FAT3: variants seen among roughly 807,000 people sequenced by gnomAD.
The protein encoded by FAT3 is FAT atypical cadherin 3, also known as protocadherin Fat 3.
A neutral mutation model predicts 310.2 loss-of-function variants in FAT3; 95 were observed. That is an observed-to-expected ratio of 0.31 (90% CI 0.26 to 0.36). FAT3 has a LOEUF of 0.36. Ranked by LOEUF, FAT3 falls within the 10% of genes least tolerant of loss-of-function variation. The probability of loss-of-function intolerance (pLI) is 1.00; values close to 1 mark genes in which losing one functional copy is unlikely to be tolerated. For synonymous variants in FAT3, 2,314 were observed against 2,192.9 expected, an observed-to-expected ratio of 1.06 and a Z score of -1.54; for missense variants, 5,408 against 5,715.6, an observed-to-expected ratio of 0.95 and a Z score of 1.74.
chr11:92,545,587 T>C (rs1591430751), intron 3 of FAT3, among the ~76,000 whole-genome samples: 2 of 152,234 alleles, frequency 1.3e-5, no homozygotes, highest in South Asian at 2.1e-4. Context: ...CTACAGGCTA[T>C]GCATTAATCT....
chr11:92,641,287 A>T (rs983439200), intron 3 of FAT3, among the ~76,000 whole-genome samples: 8 of 152,342 alleles, frequency 5.3e-5, no homozygotes, highest in African/African-American at 1.9e-4. Flanking sequence ...TTATATATTT[A>T]TTTAACATAT....
chr11:92,829,555 G>A (rs745973428), intron 13 of FAT3, among the ~76,000 whole-genome samples: 3 of 152,134 alleles, frequency 2.0e-5, no homozygotes, highest in Non-Finnish European at 4.4e-5. Context: ...GATCACCTAT[G>A]CAACCCGTGT....
At chr11:92,838,309 G>C (rs1948456451) in intron 17 of FAT3, among the ~76,000 whole-genome samples, 1 of 152,186 alleles carries the variant, frequency 6.6e-6, no homozygotes, top group Admixed American at 6.5e-5. Flanking sequence ...CATCAGGATA[G>C]AGCTGGTACT....
At chr11:92,877,059 A>C (rs1354706235) in intron 22 of FAT3, among the ~76,000 whole-genome samples, 1 of 152,202 alleles carries the variant, frequency 6.6e-6, no homozygotes, top group Non-Finnish European at 1.5e-5. Context: ...TTTTTAAATG[A>C]GTCATAAGCC....
chr11:92,314,467 T>C (rs1947384389), intron 1 of FAT3, among the ~76,000 whole-genome samples: 1 of 152,120 alleles, frequency 6.6e-6, no homozygotes, highest in Admixed American at 6.5e-5. Context: ...GGTAAGTATA[T>C]ACTGTAGGCT....
intron 2 of FAT3, among the ~76,000 whole-genome samples, chr11:92,384,684 T>TA (rs1949578039): frequency 6.6e-6 from 1 of 152,096 alleles, no homozygotes; most frequent in Admixed American, 6.6e-5. Context: ...ATGTACGGGT[T>TA]AAAAAAGTGG....
chr11:92,280,646 A>G (rs974288935), intron 1 of FAT3, among the ~76,000 whole-genome samples: 11 of 152,224 alleles, frequency 7.2e-5, no homozygotes, highest in Non-Finnish European at 1.5e-4. Context: ...AGAGGTCCTC[A>G]TAACTAACTC....
chr11:92,744,475 T>G (rs1945596639), intron 4 of FAT3, among the ~76,000 whole-genome samples: 1 of 152,210 alleles, frequency 6.6e-6, no homozygotes, highest in South Asian at 2.1e-4. Context: ...TATTAAATGT[T>G]TTTCATTTAC....
chr11:92,421,679 A>G (rs998666575), intron 2 of FAT3, among the ~76,000 whole-genome samples: 3 of 152,208 alleles, frequency 2.0e-5, no homozygotes, highest in African/African-American at 4.8e-5. Context: ...TTGAGAGACA[A>G]TCGACCTCAA....
At chr11:92,319,554 G>A (rs7936834) in intron 1 of FAT3, among the ~76,000 whole-genome samples, 2 of 151,956 alleles carry the variant, frequency 1.3e-5, no homozygotes, top group East Asian at 1.9e-4. Context: ...TTCCATCAGC[G>A]CCAACAACAT....
intron 3 of FAT3, among the ~76,000 whole-genome samples, chr11:92,624,805 G>A (rs1941248557): frequency 6.6e-6 from 1 of 152,154 alleles, no homozygotes; most frequent in Non-Finnish European, 1.5e-5. Context: ...CAGTTCTGGA[G>A]GCCAGAATTC....
intron 2 of FAT3, among the ~76,000 whole-genome samples, chr11:92,378,708 A>G (rs965353152): frequency 1.3e-5 from 2 of 152,208 alleles, no homozygotes; most frequent in African/African-American, 4.8e-5. Flanking sequence ...ATAACAGAAT[A>G]CCATAAGCTG....
intron 3 of FAT3, among the ~76,000 whole-genome samples, chr11:92,629,414 T>G (rs1941464973): frequency 6.0e-5 from 2 of 33,222 alleles, no homozygotes; most frequent in East Asian, 1.0e-3. Context: ...CCCCTACCTT[T>G]TTTTTTTTTT....
chr11:92,682,215 T>A (rs1456845571), intron 3 of FAT3, among the ~76,000 whole-genome samples: 1 of 152,212 alleles, frequency 6.6e-6, no homozygotes, highest in Non-Finnish European at 1.5e-5. Flanking sequence ...ATTTAGCAAC[T>A]TATAGTAATT....
At chr11:92,698,483 G>A (rs559617804) in intron 4 of FAT3, among the ~76,000 whole-genome samples, 1 of 152,014 alleles carries the variant, frequency 6.6e-6, no homozygotes, top group African/African-American at 2.4e-5. Context: ...ATGAAATTTG[G>A]CAAACAATTA....
chr11:92,561,451 A>T (rs1483255799), intron 3 of FAT3, among the ~76,000 whole-genome samples: 1 of 152,118 alleles, frequency 6.6e-6, no homozygotes, highest in Non-Finnish European at 1.5e-5. Context: ...AAAATACTTG[A>T]GAGTACTGAA....
chr11:92,737,659 C>G (rs2136016773), intron 4 of FAT3, among the ~76,000 whole-genome samples: 1 of 151,944 alleles, frequency 6.6e-6, no homozygotes, highest in South Asian at 2.1e-4. Flanking sequence ...TTAATTTTTA[C>G]ATAGAATTAC....
chr11:92,522,602 C>A (rs960486023), intron 2 of FAT3, among the ~76,000 whole-genome samples: 1 of 152,126 alleles, frequency 6.6e-6, no homozygotes, highest in Non-Finnish European at 1.5e-5. Context: ...ATTGTCCTAA[C>A]TTTGATTTAC....
intron 22 of FAT3, among the ~76,000 whole-genome samples, chr11:92,878,461 G>C (rs140456991): frequency 1.3e-5 from 2 of 151,426 alleles, no homozygotes; most frequent in African/African-American, 2.4e-5. Context: ...GCTACCAATA[G>C]GCTACCCAAG....
Sources: allele counts gnomAD v4.1 joint callset (sites outside exome capture counted in the v4.1 genomes callset), GRCh38; gene constraint gnomAD v4.1.1; transcripts MANE v1.5; gene names NCBI Gene and HGNC (gene_info 2026-07-23, HGNC 2026-07-21).